The following FOXP2 variants were observed in gnomAD, a reference collection of about 807,000 sequenced individuals.
FOXP2 encodes the protein forkhead box P2, also known as forkhead box protein P2.
FOXP2 carries 12 observed loss-of-function variants against 115.8 expected under a neutral mutation model. That is an observed-to-expected ratio of 0.10 (90% CI 0.07 to 0.17). The LOEUF (loss-of-function observed/expected upper bound fraction) is 0.17, where lower values mean the gene tolerates loss of function less well. FOXP2 is among the 10% of genes least tolerant of loss of function. The pLI is 1.00. For missense variants in FOXP2, 629 were observed against 843.5 expected, an observed-to-expected ratio of 0.75 and a Z score of 3.15; for synonymous variants, 328 against 297.7, an observed-to-expected ratio of 1.10 and a Z score of -1.05.
chr7:114,388,698 G>T (rs573486116), intron 2 of FOXP2, among the ~76,000 whole-genome samples: 3 of 152,228 alleles, frequency 2.0e-5, no homozygotes, highest in African/African-American at 7.2e-5. Flanking sequence ...TTAAATTTCA[G>T]CCATGGACAA....
At chr7:114,097,224 C>G (rs896574820) in intron 1 of FOXP2, among the ~76,000 whole-genome samples, 1 of 152,216 alleles carries the variant, frequency 6.6e-6, no homozygotes, top group African/African-American at 2.4e-5. Context: ...TAATCACTAC[C>G]ACACTTAATA....
intron 1 of FOXP2, among the ~76,000 whole-genome samples, chr7:114,205,553 G>A (rs948167267): frequency 6.6e-6 from 1 of 152,144 alleles, no homozygotes; most frequent in African/African-American, 2.4e-5. Context: ...CCCAAGGACT[G>A]TGTACTCAGT....
At chr7:114,566,778 G>T (rs1801046356) in intron 3 of FOXP2, among the ~76,000 whole-genome samples, 1 of 151,824 alleles carries the variant, frequency 6.6e-6, no homozygotes, top group African/African-American at 2.4e-5. Flanking sequence ...ACATGTTAAA[G>T]AAAAATTTGA....
At chr7:114,372,408 A>G (rs972671860) in intron 2 of FOXP2, among the ~76,000 whole-genome samples, 1 of 152,202 alleles carries the variant, frequency 6.6e-6, no homozygotes, top group Admixed American at 6.5e-5. Flanking sequence ...GCTATTAATA[A>G]TTAGGCTAGG....
intron 8 of FOXP2, among the ~76,000 whole-genome samples, chr7:114,650,591 G>C (rs1007758065): frequency 3.3e-5 from 5 of 151,960 alleles, no homozygotes; most frequent in African/African-American, 1.2e-4. Flanking sequence ...TTAGGAATTG[G>C]TGACACTTTC....
At chr7:114,379,392 A>C (rs1792223865) in intron 2 of FOXP2, among the ~76,000 whole-genome samples, 1 of 152,154 alleles carries the variant, frequency 6.6e-6, no homozygotes, top group Non-Finnish European at 1.5e-5. Context: ...CAGCCTAGGA[A>C]ATCCAGCTAG....
At chr7:114,524,685 T>G (rs543525323) in intron 2 of FOXP2, among the ~76,000 whole-genome samples, 70 of 152,256 alleles carry the variant, frequency 4.6e-4, no homozygotes, top group African/African-American at 1.7e-3. Context: ...AATCATTAAT[T>G]TTTCTTTTCT....
chr7:114,324,386 T>A (rs1005877314), intron 2 of FOXP2, among the ~76,000 whole-genome samples: 1 of 151,958 alleles, frequency 6.6e-6, no homozygotes, highest in Non-Finnish European at 1.5e-5. Flanking sequence ...TGAGCTAGCC[T>A]GTTTATTTAT....
At chr7:114,108,358 C>A (rs544733692) in intron 1 of FOXP2, among the ~76,000 whole-genome samples, 66 of 151,938 alleles carry the variant, frequency 4.3e-4, no homozygotes, top group African/African-American at 1.5e-3. Context: ...ATCTTCTTTC[C>A]ATATTCAGAG....
intron 1 of FOXP2, among the ~76,000 whole-genome samples, chr7:114,418,504 T>C (rs541549319): frequency 6.6e-6 from 1 of 152,026 alleles, no homozygotes; most frequent in South Asian, 2.1e-4. Context: ...CTTGTTAGTA[T>C]TACAAAGTTC....
At chr7:114,291,723 A>G (rs935097933) in intron 2 of FOXP2, among the ~76,000 whole-genome samples, 3 of 150,884 alleles carry the variant, frequency 2.0e-5, no homozygotes, top group Non-Finnish European at 1.5e-5. Flanking sequence ...AATTCCACCT[A>G]CAGTTCCTCC....
At chr7:114,662,001 T>C in intron 13 of FOXP2, 64 bp from the exon 14 acceptor site, 1 of 1,589,416 alleles carries the variant, frequency 6.3e-7, no homozygotes, top group East Asian at 2.2e-5. Flanking sequence ...TAATGTAGTA[T>C]GTTGGGCTGC....
intron 2 of FOXP2, among the ~76,000 whole-genome samples, chr7:114,378,463 T>G (rs1792195365): frequency 1.3e-5 from 2 of 151,620 alleles, no homozygotes; most frequent in African/African-American, 2.4e-5. Context: ...AAAGAAGGAT[T>G]TCTTGAGCCT....
intron 1 of FOXP2, among the ~76,000 whole-genome samples, chr7:114,231,934 G>T (rs1794885536): frequency 6.6e-6 from 1 of 152,110 alleles, no homozygotes. Flanking sequence ...AGCCTACAGA[G>T]TGGTAGAAAG....
intron 1 of FOXP2, among the ~76,000 whole-genome samples, chr7:114,170,755 G>T (rs1793115862): frequency 6.6e-6 from 1 of 152,174 alleles, no homozygotes. Context: ...TGAGGAAGAT[G>T]CAAGAAAAAT....
chr7:114,297,518 A>G lies in FOXP2; in HGVS notation c.-11+9409A>G. On this transcript the variant is annotated intron_variant, in intron 2 of 17. Transcript: ENST00000634411. The stretch of plus-strand genomic sequence containing the variant: ...CAATAGTCCATCAATTCGCACAACT[A>G]TTAACTATTTTTTATAATGATTTCC... 3 of 265,894 alleles carry G rather than the reference A, an allele frequency of 1.1e-5. No individual in the cohort carries two copies. In the South Asian group the frequency reaches 1.9e-4, roughly 16 times the overall value. The allele number at this position is 265,894 out of a possible 1,614,324, so 16.5% of individuals were successfully genotyped here. A position where few individuals can be genotyped will look rare whatever the true frequency, so the allele number is the denominator to read the frequency against.
At chr7:114,334,945 AT>A (rs1797811743) in intron 2 of FOXP2, among the ~76,000 whole-genome samples, 1 of 144,718 alleles carries the variant, frequency 6.9e-6, no homozygotes, top group African/African-American at 2.5e-5. Context: ...ATATATATAT[AT>A]ATATATATAT....
chr7:114,692,565 T>C lies in FOXP2; in HGVS notation c.*2639T>C, dbSNP rs1563084100. On this transcript the variant is annotated 3_prime_UTR_variant, in exon 17 of 17. Transcript: ENST00000350908. ...TGCATTTCATGAATTTTTACTCTTA[T>C]ATCATTGCTTGCTAGTAATAGCAAA... The C allele has an allele frequency of 6.6e-6, 3 of 453,218 alleles. No individual in the cohort carries two copies. Among genetic ancestry groups the C allele is most frequent in the Non-Finnish European group, 1.3e-5 (3 of 226,448 alleles). 28.1% of individuals were successfully genotyped at this position (453,218 alleles called of 1,614,324 possible).
At chr7:114,272,047 GT>G (rs1399374083) in intron 1 of FOXP2, among the ~76,000 whole-genome samples, 4 of 137,832 alleles carry the variant, frequency 2.9e-5, no homozygotes, top group Non-Finnish European at 4.6e-5. Flanking sequence ...ATATAAATAT[GT>G]ATAAATATAT....
Sources: allele counts gnomAD v4.1 joint callset (sites outside exome capture counted in the v4.1 genomes callset), GRCh38; gene constraint gnomAD v4.1.1; transcripts MANE v1.5; gene names NCBI Gene and HGNC (gene_info 2026-07-23, HGNC 2026-07-21).